IPO11: variants seen among roughly 807,000 people sequenced by gnomAD.
The protein encoded by IPO11 is importin 11, also known as importin-11.
In IPO11, 66 loss-of-function variants were observed where a neutral mutation model predicts 143.2. The ratio of observed to expected loss-of-function variants is 0.46; its 90% CI spans 0.38 to 0.57. The LOEUF (loss-of-function observed/expected upper bound fraction) is 0.57, where lower values mean the gene tolerates loss of function less well. Among genes scored for constraint, IPO11 ranks in the 20% least tolerant of loss-of-function variants. The pLI is 0.00. For missense variants in IPO11, 1,026 were observed against 1,141.0 expected, an observed-to-expected ratio of 0.90 and a Z score of 1.45; for synonymous variants, 385 against 377.8, an observed-to-expected ratio of 1.02 and a Z score of -0.22.
intron 12 of IPO11, among the ~76,000 whole-genome samples, chr5:62,486,646 A>T (rs1460409860): frequency 6.6e-6 from 1 of 152,204 alleles, no homozygotes; most frequent in African/African-American, 2.4e-5. Flanking sequence ...TAAAAATGTT[A>T]TCTTTAATGT....
At chr5:62,585,384 A>G (rs889352460) in intron 27 of IPO11, among the ~76,000 whole-genome samples, 5 of 152,158 alleles carry the variant, frequency 3.3e-5, no homozygotes, top group Non-Finnish European at 5.9e-5. Context: ...TAGTCTTATT[A>G]TAAATGCTAC....
chr5:62,553,344 G>GTGTT (rs1264647667), intron 26 of IPO11, among the ~76,000 whole-genome samples: 62 of 125,564 alleles, frequency 4.9e-4, no homozygotes, highest in African/African-American at 1.0e-3. Flanking sequence ...GTGTGTGTGT[G>GTGTT]TGTGTGTGTG....
rs1421797658 is a variant in IPO11 at position 62,474,472 on chromosome 5, CT to C, written c.757+11del. Reference sequence around the variant, plus strand: ...AACAGTTTCTGGAATGCAGTAAGTACTTTCGTTGCAGTCCTTTTTACTGTAG... The same window carrying C: ...AACAGTTTCTGGAATGCAGTAAGTACTTCGTTGCAGTCCTTTTTACTGTAG... On this transcript the variant is annotated intron_variant, in intron 8 of 29. Transcript: ENST00000325324. 3 of 1,572,050 alleles carry C rather than the reference CT, an allele frequency of 1.9e-6. No individual in the cohort carries two copies. Among genetic ancestry groups the C allele is most frequent in the Non-Finnish European group, 2.6e-6 (3 of 1,161,504 alleles).
intron 16 of IPO11, among the ~76,000 whole-genome samples, chr5:62,504,031 G>A (rs1042798027): frequency 2.6e-5 from 4 of 152,114 alleles, no homozygotes; most frequent in East Asian, 1.9e-4. Context: ...AATTTTAGCC[G>A]ATTAAGTCTG....
At chr5:62,527,762 A>G (rs534681590) in intron 21 of IPO11, among the ~76,000 whole-genome samples, 13 of 152,228 alleles carry the variant, frequency 8.5e-5, no homozygotes, top group African/African-American at 3.1e-4. Flanking sequence ...TTAGGAGAAA[A>G]TTTTTTTAAT....
In IPO11 at chr5:62,531,920, G is replaced by A. The variant is rs149292992; in HGVS notation, c.2089+1135G>A. Among the ~76,000 whole-genome samples the A allele has an allele frequency of 5.1e-3, 779 of 152,266 alleles. 12 individuals carry two copies. The Middle Eastern group carries it at 0.058, about 11-fold the overall frequency. ...ACCAAAGATGAAGTCAGTGGCAATA[G>A]GTGTTGATCTACTAGAAAAAGAGAA... On this transcript the variant is annotated intron_variant, in intron 22 of 29. Transcript: ENST00000325324.
intron 13 of IPO11, 97 bp from the exon 14 acceptor site, chr5:62,489,200 TAATTG>T (rs1610880): frequency 0.084 from 50,726 of 602,038 alleles, 2,382 homozygotes; most frequent in East Asian, 0.12. Flanking sequence ...GTGTTATACT[TAATTG>T]AATTGGGAAA....
At chr5:62,419,073 T>G (rs1318896068) in intron 1 of IPO11, 1 of 1,551,064 alleles carries the variant, frequency 6.4e-7, no homozygotes, top group Non-Finnish European at 8.7e-7. Flanking sequence ...ATCTAGGCTA[T>G]AAGCCTGTAC....
intron 20 of IPO11, among the ~76,000 whole-genome samples, chr5:62,520,234 C>T (rs1000921895): frequency 6.6e-6 from 1 of 152,188 alleles, no homozygotes; most frequent in African/African-American, 2.4e-5. Context: ...ACAGTAGTGT[C>T]CAAGAACCTA....
intron 3 of IPO11, among the ~76,000 whole-genome samples, chr5:62,444,254 C>G (rs946534106): frequency 6.6e-6 from 1 of 151,822 alleles, no homozygotes; most frequent in Non-Finnish European, 1.5e-5. Flanking sequence ...CATCTTGCCC[C>G]GCTGATTTTT....
chr5:62,609,377 C>T (rs1561385839), intron 29 of IPO11, among the ~76,000 whole-genome samples: 1 of 152,224 alleles, frequency 6.6e-6, no homozygotes, highest in African/African-American at 2.4e-5. Flanking sequence ...AAGAAACAGC[C>T]TTCCATGGAC....
chr5:62,547,491 C>G (rs1249883295), intron 24 of IPO11, among the ~76,000 whole-genome samples: 1 of 152,060 alleles, frequency 6.6e-6, no homozygotes, highest in Admixed American at 6.6e-5. Flanking sequence ...GTTGCCAGTT[C>G]TAGTTCTGAA....
At chr5:62,561,085 C>A in intron 26 of IPO11, 51 bp from the exon 27 acceptor site, 1 of 1,510,676 alleles carries the variant, frequency 6.6e-7, no homozygotes, top group Non-Finnish European at 8.9e-7. Flanking sequence ...TATTTACCCA[C>A]AAGTAAAACA....
intron 24 of IPO11, among the ~76,000 whole-genome samples, chr5:62,543,373 G>T (rs1743032133): frequency 6.6e-6 from 1 of 152,242 alleles, no homozygotes. Context: ...GCCTGTTATT[G>T]GTCTATTCAG....
At chr5:62,597,967 A>T (rs1396652262) in intron 28 of IPO11, among the ~76,000 whole-genome samples, 1 of 152,202 alleles carries the variant, frequency 6.6e-6, no homozygotes, top group Non-Finnish European at 1.5e-5. Flanking sequence ...CCTCATCTGC[A>T]GGCTACCATT....
At chr5:62,477,452 G>A (rs1746000599) in intron 9 of IPO11, among the ~76,000 whole-genome samples, 1 of 152,132 alleles carries the variant, frequency 6.6e-6, no homozygotes, top group South Asian at 2.1e-4. Context: ...GCAGAAATGA[G>A]CTGTTTTTTA....
chr5:62,554,167 C>T (rs577236056), intron 26 of IPO11, among the ~76,000 whole-genome samples: 1 of 152,272 alleles, frequency 6.6e-6, no homozygotes. Flanking sequence ...TTGTGTATTT[C>T]GGATAGTAAT....
At chr5:62,604,076 A>G (rs1406903678) in intron 29 of IPO11, among the ~76,000 whole-genome samples, 1 of 152,214 alleles carries the variant, frequency 6.6e-6, no homozygotes, top group Non-Finnish European at 1.5e-5. Flanking sequence ...TTGTGTAAGC[A>G]CACTCCATAA....
In IPO11 at chr5:62,456,283, G is replaced by A. The variant is rs148216085; in HGVS notation, c.516+4350G>A. On this transcript the variant is annotated intron_variant, in intron 5 of 29. Coordinates refer to ENST00000325324, the MANE Select transcript of IPO11 (RefSeq NM_016338.5). ...CTCCCATAATGCTGGGATCACAGGCGTGAGCCACCATGCTCGGCCAGGAAT... is the reference window on the plus strand; with the variant it reads ...CTCCCATAATGCTGGGATCACAGGCATGAGCCACCATGCTCGGCCAGGAAT... Among the ~76,000 whole-genome samples the A allele has an allele frequency of 4.0e-3, 606 of 152,230 alleles. 9 individuals are homozygous for A. The highest frequency in any genetic ancestry group is 0.014 in the African/African-American group (587 of 41,530).
Sources: allele counts gnomAD v4.1 joint callset (sites outside exome capture counted in the v4.1 genomes callset), GRCh38; gene constraint gnomAD v4.1.1; transcripts MANE v1.5; gene names NCBI Gene and HGNC (gene_info 2026-07-23, HGNC 2026-07-21).